ZNF33A: variants seen among roughly 807,000 people sequenced by gnomAD.
ZNF33A encodes the protein zinc finger protein 33A.
Under a neutral mutation model 15.9 loss-of-function variants are expected in ZNF33A, and 9 were observed. That is an observed-to-expected ratio of 0.57 (90% CI 0.34 to 0.99). The LOEUF (loss-of-function observed/expected upper bound fraction) is 0.99. Among genes scored for constraint, ZNF33A ranks in the 50% least tolerant of loss-of-function variants. ZNF33A has a pLI of 0.02. For synonymous variants in ZNF33A, 294 were observed against 324.2 expected (o/e 0.91, Z 1.00); for missense variants, 843 against 941.6 (o/e 0.90, Z 1.37).
downstream of ZNF33A, among the ~76,000 whole-genome samples, chr10:38,065,817 T>C (rs1235547239): frequency 6.6e-6 from 1 of 151,978 alleles, no homozygotes; most frequent in African/African-American, 2.4e-5. Flanking sequence ...TTCAAGCAAT[T>C]CTCCTGTCTC....
Position 38,055,509 on chromosome 10 carries a change from C to G in ZNF33A, c.1385C>G (p.Thr462Ser). The change falls in exon 5 of 5, where the codon ACT becomes AGT. Residue 462 changes from threonine to serine, a missense_variant. Coordinates refer to ENST00000432900, the MANE Select transcript of ZNF33A (RefSeq NM_006954.2). ...TCGCACCTTAAAGTACACCAGAGAA[C>G]TCACACAGGTGAGAAACCTTTTGAA... Reference protein sequence around the residue: ...VTSHLKVHQRTHTGEKPFECL... With the variant: ...VTSHLKVHQRSHTGEKPFECL... The G allele has an allele frequency of 1.2e-6, 2 of 1,614,046 alleles. No individual in the cohort carries two copies. Among genetic ancestry groups the G allele is most frequent in the Non-Finnish European group, 1.7e-6 (2 of 1,179,984 alleles).
At chr10:38,014,034 GATTTTTTTTTTTTT>G (rs1294778230) in intron 2 of ZNF33A, among the ~76,000 whole-genome samples, 1 of 58,264 alleles carries the variant, frequency 1.7e-5, no homozygotes, top group Non-Finnish European at 3.3e-5. Context: ...AATGATGTCT[GATTTTTTTTTTTTT>G]TTTTTTTTTT....
chr10:38,030,624 A>T (rs2065172700), intron 4 of ZNF33A, among the ~76,000 whole-genome samples: 1 of 152,098 alleles, frequency 6.6e-6, no homozygotes. Context: ...GTTTCTAGGG[A>T]GACTAGAGAA....
At chr10:38,014,986 C>A (rs1336593711) in intron 2 of ZNF33A, among the ~76,000 whole-genome samples, 1 of 151,844 alleles carries the variant, frequency 6.6e-6, no homozygotes, top group Admixed American at 6.6e-5. Flanking sequence ...GATTCTCCTG[C>A]CTCAGCCTCC....
Position 38,026,823 on chromosome 10 carries a change from CAG to C in ZNF33A, c.250+9439_250+9440del, listed in dbSNP as rs2065012300. Among the ~76,000 whole-genome samples the C allele has an allele frequency of 3.3e-5, 5 of 152,300 alleles. No homozygotes were observed. In the South Asian group the frequency reaches 1.0e-3, roughly 32 times the overall value. On this transcript the variant is annotated intron_variant, in intron 4 of 4. Coordinates refer to ENST00000432900, the MANE Select transcript of ZNF33A (RefSeq NM_006954.2). ...TTTGGTCATTTGTCATCATTCCAAA[CAG>C]AAACTGTCGCCATTAAGCGGTAACT...
intron 4 of ZNF33A, among the ~76,000 whole-genome samples, chr10:38,031,593 A>G (rs1366830914): frequency 6.6e-6 from 1 of 151,870 alleles, no homozygotes; most frequent in Non-Finnish European, 1.5e-5. Context: ...AAAAGAAAAA[A>G]AAAAAAAGAA....
rs910924249 is a variant in ZNF33A, at chr10:38,057,786, T to G, written c.*1226T>G. On this transcript the variant is annotated 3_prime_UTR_variant, in exon 5 of 5. Coordinates refer to ENST00000432900, the MANE Select transcript of ZNF33A (RefSeq NM_006954.2). ...CTTCAGCATAAGTGGTAGTCCAAAT[T>G]TTCTTTAAGCAGCTGCTCTCCAAGA... 2 of 985,370 alleles carry G rather than the reference T, an allele frequency of 2.0e-6. No homozygotes were observed. The highest frequency in any genetic ancestry group is 1.7e-5 in the African/African-American group (1 of 57,236). The allele number at this position is 985,370 out of a possible 1,614,324, so 61.0% of individuals were successfully genotyped here.
At chr10:38,066,047 G>A (rs2066707261), downstream of ZNF33A, among the ~76,000 whole-genome samples, 1 of 152,072 alleles carries the variant, frequency 6.6e-6, no homozygotes, top group Non-Finnish European at 1.5e-5. Context: ...TGGACTGGGT[G>A]CATAAAGAGA....
chr10:38,039,152 T>A (rs1477195949), intron 4 of ZNF33A, among the ~76,000 whole-genome samples: 1 of 151,328 alleles, frequency 6.6e-6, no homozygotes, highest in Non-Finnish European at 1.5e-5. Context: ...TTTAAATGTT[T>A]GATAAAATTC....
In ZNF33A at chr10:38,017,331, A is replaced by G; in HGVS notation, c.195A>G (p.Gln65=). Residue 65 remains glutamine (Q), a synonymous_variant, in exon 4 of 5, where the codon CAA becomes CAG. Coordinates refer to ENST00000432900, the MANE Select transcript of ZNF33A (RefSeq NM_006954.2). ...AACCAGAGGTGATCTTCAGGCTGCAACAAGGAGAAGAGCCATGGAAACAGG... is the reference window on the plus strand; with the variant it reads ...AACCAGAGGTGATCTTCAGGCTGCAGCAAGGAGAAGAGCCATGGAAACAGG... ...VHKPEVIFRL[Q]QGEEPWKQEE... is the part of the protein sequence containing the mutation. 3.1e-6 allele frequency: 5 copies of G among 1,614,078 alleles called. No homozygotes were observed. Among genetic ancestry groups the G allele is most frequent in the East Asian group, 2.2e-5 (1 of 44,866 alleles).
chr10:38,056,737 A>C lies in ZNF33A; in HGVS notation c.*177A>C. The C allele has an allele frequency of 8.0e-7, 1 of 1,249,966 alleles. No individual in the cohort carries two copies. The highest frequency in any genetic ancestry group is 1.0e-6 in the Non-Finnish European group (1 of 997,692). 77.4% of individuals were successfully genotyped at this position (1,249,966 alleles called of 1,614,324 possible). A position where few individuals can be genotyped will look rare whatever the true frequency, so the allele number is the denominator to read the frequency against. ...GAATTTGTGAAAGTTTTTGGCAAAA[A>C]TGCAAATAAGGTTATGTTAGAATTT... On this transcript the variant is annotated 3_prime_UTR_variant, in exon 5 of 5. Coordinates refer to ENST00000432900, the MANE Select transcript of ZNF33A (RefSeq NM_006954.2).
downstream of ZNF33A, among the ~76,000 whole-genome samples, chr10:38,061,593 A>T (rs538228146): frequency 6.6e-6 from 1 of 152,240 alleles, no homozygotes; most frequent in African/African-American, 2.4e-5. Flanking sequence ...GAACATAGGG[A>T]GAGTGACTGT....
chr10:38,022,220 T>C (rs981396844), intron 4 of ZNF33A, among the ~76,000 whole-genome samples: 4 of 152,046 alleles, frequency 2.6e-5, no homozygotes, highest in Non-Finnish European at 4.4e-5. Flanking sequence ...ATCAATAAAA[T>C]TGATAAACGT....
chr10:38,046,278 G>A (rs1168428922), intron 4 of ZNF33A, among the ~76,000 whole-genome samples: 1 of 152,164 alleles, frequency 6.6e-6, no homozygotes, highest in Non-Finnish European at 1.5e-5. Flanking sequence ...TGTATATGAG[G>A]AAATGAGTGA....
At position 38,056,985 on chromosome 10, in the gene ZNF33A, T is replaced by C; in HGVS notation, c.*425T>C. The C allele has an allele frequency of 1.2e-6, 1 of 852,584 alleles. No homozygotes were observed. The highest frequency in any genetic ancestry group is 1.4e-6 in the Non-Finnish European group (1 of 707,146). 52.8% of individuals were successfully genotyped at this position (852,584 alleles called of 1,614,324 possible). ...GTTTAATGAGTAGAGAGAATTCCCA[T>C]GTACACTTCACCAAACTTCCTCTAA... On this transcript the variant is annotated 3_prime_UTR_variant, in exon 5 of 5. Coordinates refer to ENST00000432900, the MANE Select transcript of ZNF33A (RefSeq NM_006954.2).
In ZNF33A at chr10:38,047,624, C is replaced by CAAAAAAAAAA. The variant is rs554054575; in HGVS notation, c.251-6720_251-6711dup. Among the ~76,000 whole-genome samples, 54 of 75,002 alleles carry CAAAAAAAAAA rather than the reference C, an allele frequency of 7.2e-4. 1 individual carries two copies. Among genetic ancestry groups the CAAAAAAAAAA allele is most frequent in the Admixed American group, 1.2e-3 (7 of 5,644 alleles). 49.2% of individuals were successfully genotyped at this position (75,002 alleles called of 152,430 possible). A position where few individuals can be genotyped will look rare whatever the true frequency, so the allele number is the denominator to read the frequency against. ...CTGGCGATAGAGCAAGACTCTGTCT[C>CAAAAAAAAAA]AAAAAAAAAAAAAAAAAAAAAAAAA... is the stretch of plus-strand genomic sequence containing the variant. On this transcript the variant is annotated intron_variant, in intron 4 of 4. Coordinates refer to ENST00000432900, the MANE Select transcript of ZNF33A (RefSeq NM_006954.2).
At chr10:38,019,092 G>A (rs2064607435) in intron 4 of ZNF33A, among the ~76,000 whole-genome samples, 1 of 151,724 alleles carries the variant, frequency 6.6e-6, no homozygotes, top group African/African-American at 2.4e-5. Flanking sequence ...CAATTAACTC[G>A]TCATTTAGCA....
intron 4 of ZNF33A, among the ~76,000 whole-genome samples, chr10:38,044,859 G>T (rs2065883650): frequency 6.6e-6 from 1 of 151,736 alleles, no homozygotes; most frequent in South Asian, 2.1e-4. Context: ...GTAGAGACGG[G>T]GTTTCACCAT....
chr10:38,030,321 G>A (rs1037581153), intron 4 of ZNF33A, among the ~76,000 whole-genome samples: 2 of 152,128 alleles, frequency 1.3e-5, no homozygotes, highest in Non-Finnish European at 2.9e-5. Context: ...ATGGGTAATA[G>A]CCCAAACCTG....
Sources: gnomAD v4.1 joint callset for allele counts (sites outside exome capture counted in the v4.1 genomes callset) on GRCh38, gnomAD v4.1.1 for gene constraint, MANE v1.5 for transcripts, NCBI Gene and HGNC (gene_info 2026-07-23, HGNC 2026-07-21) for gene names.